PKM: variants seen among roughly 807,000 people sequenced by gnomAD.
The protein encoded by PKM is pyruvate kinase M1/2.
PKM carries 18 observed loss-of-function variants against 49.8 expected under a neutral mutation model. The ratio of observed to expected loss-of-function variants is 0.36; its 90% CI spans 0.25 to 0.54. The LOEUF (loss-of-function observed/expected upper bound fraction) is 0.54. Ranked by LOEUF, PKM falls within the 20% of genes least tolerant of loss-of-function variation. The pLI, the probability that PKM is intolerant of heterozygous loss-of-function variation, is 0.89. For missense variants in PKM, 508 were observed against 713.8 expected (o/e 0.71, Z 3.28); for synonymous variants, 239 against 261.8 (o/e 0.91, Z 0.84).
chr15:72,203,241 A>G, intron 8 of PKM: 1 of 1,442,812 alleles, frequency 6.9e-7, no homozygotes, highest in Non-Finnish European at 9.7e-7. Context: ...GGAGGAAAAA[A>G]ACGAGACACA....
Position 72,229,911 on chromosome 15 carries a change from TA to T in PKM, c.-14+1204del, listed in dbSNP as rs35843341. On this transcript the variant is annotated intron_variant, in intron 1 of 10. Transcript: ENST00000335181. ...TTTGTTAAAAAATGTGCCGGATAATTAAAAAAAAAAAAAAGAAAGAAAAAAG... is the reference window on the plus strand; with the variant it reads ...TTTGTTAAAAAATGTGCCGGATAATTAAAAAAAAAAAAAGAAAGAAAAAAG... Among the ~76,000 whole-genome samples the T allele has an allele frequency of 3.3e-3, 430 of 132,302 alleles. 1 individual carries two copies. Among genetic ancestry groups the T allele is most frequent in the African/African-American group, 3.8e-3 (142 of 37,132 alleles). The allele number at this position is 132,302 out of a possible 152,430, so 86.8% of individuals were successfully genotyped here.
At chr15:72,228,533 A>T in intron 1 of PKM, 1 of 688,232 alleles carries the variant, frequency 1.5e-6, no homozygotes, top group South Asian at 1.5e-5. Flanking sequence ...GGGAGAAGGG[A>T]CTTTTTAAGC....
chr15:72,226,034 C>A lies in PKM; in HGVS notation c.-14+5082G>T, dbSNP rs1246719389. 2.0e-5 allele frequency among the ~76,000 whole-genome samples: 3 copies of A among 152,170 alleles called. No individual in the cohort carries two copies. The East Asian group carries it at 5.8e-4, about 29-fold the overall frequency. ...TTGCCCATCGGTGACATTTGTTTTT[C>A]TGCTCATCTAATGTTAATAACCAAA... On this transcript the variant is annotated intron_variant, in intron 1 of 10. Transcript: ENST00000335181.
intron 1 of PKM, among the ~76,000 whole-genome samples, chr15:72,222,149 T>C (rs1197741865): frequency 6.6e-6 from 1 of 152,234 alleles, no homozygotes; most frequent in Non-Finnish European, 1.5e-5. Context: ...TTAAATCTGA[T>C]GCCTATAAGC....
At chr15:72,210,245 C>T in intron 4 of PKM, 102 bp downstream of exon 4, 1 of 1,233,668 alleles carries the variant, frequency 8.1e-7, no homozygotes, top group South Asian at 1.3e-5. Flanking sequence ...TGCAGTCCTT[C>T]ATAGTACTGG....
Position 72,231,175 on chromosome 15 carries a change from C to G in PKM, c.-73G>C, listed in dbSNP as rs1257067970. The G allele has an allele frequency of 1.1e-5, 3 of 284,166 alleles. No individual in the cohort carries two copies. Among genetic ancestry groups the G allele is most frequent in the Non-Finnish European group, 2.2e-5 (3 of 134,856 alleles). 17.6% of individuals were successfully genotyped at this position (284,166 alleles called of 1,614,324 possible). On this transcript the variant is annotated 5_prime_UTR_variant, in exon 1 of 11. Coordinates refer to ENST00000335181, the MANE Select transcript of PKM (RefSeq NM_002654.6). ...GACGAAGAGATCCGGAGCCACGGCG[C>G]GTGCAGCTGCTGTGCAAGGAGCCAC... is the stretch of plus-strand genomic sequence containing the variant.
Position 72,207,937 on chromosome 15 carries a change from G to A in PKM, c.837-660C>T, listed in dbSNP as rs371295546. On this transcript the variant is annotated intron_variant, in intron 6 of 10. Transcript: ENST00000335181. ...ACACACTTCTAATCCACAAGAGTGT[G>A]TCTAGCATCTTAGTTGTGCTGAGTT... Among the ~76,000 whole-genome samples the A allele has an allele frequency of 2.7e-4, 41 of 152,372 alleles. 1 individual carries two copies. The South Asian group carries it at 5.4e-3, about 20-fold the overall frequency.
chr15:72,206,501 A>G, intron 8 of PKM: 1 of 577,910 alleles, frequency 1.7e-6, no homozygotes, highest in Non-Finnish European at 3.1e-6. Flanking sequence ...GGATGCCTCC[A>G]GAGCAGAAGG....
chr15:72,208,374 A>G (rs2082138790), intron 6 of PKM, among the ~76,000 whole-genome samples: 1 of 152,110 alleles, frequency 6.6e-6, no homozygotes, highest in Non-Finnish European at 1.5e-5. Context: ...CCCCAGGCCC[A>G]GGGAACAATG....
At chr15:72,226,162 G>A (rs1190020266) in intron 1 of PKM, among the ~76,000 whole-genome samples, 2 of 152,310 alleles carry the variant, frequency 1.3e-5, no homozygotes, top group East Asian at 3.9e-4. Context: ...TGTGTCTTAT[G>A]TGCCCTGACT....
At chr15:72,224,859 A>T (rs972262441) in intron 1 of PKM, among the ~76,000 whole-genome samples, 1 of 150,976 alleles carries the variant, frequency 6.6e-6, no homozygotes. Context: ...CTGTCTCAGA[A>T]AAAAAGGAAA....
chr15:72,202,367 G>T lies in PKM; in HGVS notation c.1307+87C>A. ...GTCTTACCTTGGCTCAGTGCCACCT[G>T]AGCATTGTTCAATGGACTGCTCCCA... On this transcript the variant is annotated intron_variant, in intron 9 of 10. Transcript: ENST00000335181. This position sits in a 1 kb window ranked among gnomAD's most constrained non-coding sequence, Gnocchi z 4.5. The T allele has an allele frequency of 7.3e-7, 1 of 1,368,784 alleles. No homozygotes were observed. The highest frequency in any genetic ancestry group is 1.0e-6 in the Non-Finnish European group (1 of 981,790). The allele number at this position is 1,368,784 out of a possible 1,614,324, so 84.8% of individuals were successfully genotyped here. A position where few individuals can be genotyped will look rare whatever the true frequency, so the allele number is the denominator to read the frequency against.
chr15:72,214,789 C>T (rs1019983156), intron 3 of PKM, among the ~76,000 whole-genome samples: 2 of 148,472 alleles, frequency 1.3e-5, no homozygotes, highest in Non-Finnish European at 3.0e-5. Context: ...AGCGAGACTC[C>T]CTCTCTAAAT....
rs745669737 is a variant in PKM at position 72,202,433 on chromosome 15, G to C, written c.1307+21C>G. 1 of 1,608,004 alleles carries C rather than the reference G, an allele frequency of 6.2e-7. No homozygotes were observed. The highest frequency in any genetic ancestry group is 2.2e-5 in the East Asian group (1 of 44,810). ...GGTACCACTGAGCAGGGCATTCCAGGGAGCCGCTGCCGCCTCCTACCTGCC... is the reference window on the plus strand; with the variant it reads ...GGTACCACTGAGCAGGGCATTCCAGCGAGCCGCTGCCGCCTCCTACCTGCC... On this transcript the variant is annotated intron_variant, in intron 9 of 10. Coordinates refer to ENST00000335181, the MANE Select transcript of PKM (RefSeq NM_002654.6). This position sits in a 1 kb window ranked among gnomAD's most constrained non-coding sequence, Gnocchi z 4.5.
Position 72,199,314 on chromosome 15 carries a change from G to T in PKM, c.*336C>A. ...CAAGCCAGGGTTGGGAGTCCTCTGG[G>T]CATCCATTTTTTCTAAAGGAACTGG... On this transcript the variant is annotated 3_prime_UTR_variant, in exon 11 of 11. Coordinates refer to ENST00000335181, the MANE Select transcript of PKM (RefSeq NM_002654.6). 2.2e-6 allele frequency: 1 copy of T among 453,088 alleles called. No individual in the cohort carries two copies. Among genetic ancestry groups the T allele is most frequent in the East Asian group, 5.2e-5 (1 of 19,256 alleles). 28.1% of individuals were successfully genotyped at this position (453,088 alleles called of 1,614,324 possible).
chr15:72,203,427 A>AT, intron 8 of PKM: 3 of 549,888 alleles, frequency 5.5e-6, no homozygotes, highest in African/African-American at 3.8e-5. Flanking sequence ...TTCTGGAAGG[A>AT]TTTTTTCATT....
chr15:72,207,477 T>A (rs1173421272), intron 6 of PKM, among the ~76,000 whole-genome samples, 200 bp from the exon 7 acceptor site: 1 of 152,232 alleles, frequency 6.6e-6, no homozygotes, highest in Non-Finnish European at 1.5e-5. Flanking sequence ...CAATTCTGCC[T>A]GCTGGGCTTC....
In PKM at chr15:72,202,967, A is replaced by G; in HGVS notation, c.1141-347T>C. 6.4e-7 allele frequency: 1 copy of G among 1,552,708 alleles called. No individual in the cohort carries two copies. Among genetic ancestry groups the G allele is most frequent in the Non-Finnish European group, 8.9e-7 (1 of 1,127,182 alleles). On this transcript the variant is annotated intron_variant, in intron 8 of 10. Coordinates refer to ENST00000335181, the MANE Select transcript of PKM (RefSeq NM_002654.6). The surrounding 1 kb of genome is among the most constrained non-coding windows in gnomAD (Gnocchi z 4.5). ...GGGCCTGGCTGTCTTCTCCTAGAGC[A>G]GGTGGAGCAAGAGGCTGGTTATCCT...
intron 6 of PKM, 120 bp downstream of exon 6, chr15:72,208,501 G>A: frequency 2.0e-6 from 2 of 1,005,240 alleles, no homozygotes; most frequent in East Asian, 2.4e-5. Flanking sequence ...CAGCAGGTTT[G>A]GAACTGGCTT....
Sources: allele counts gnomAD v4.1 joint callset (sites outside exome capture counted in the v4.1 genomes callset), GRCh38; gene constraint gnomAD v4.1.1; non-coding constraint Gnocchi (gnomAD v3.1); transcripts MANE v1.5; gene names NCBI Gene and HGNC (gene_info 2026-07-23, HGNC 2026-07-21).